The following CCDC30 variants were observed in gnomAD, a reference collection of about 807,000 sequenced individuals.
The protein encoded by CCDC30 is coiled-coil domain-containing protein 30.
Under a neutral mutation model 100.2 loss-of-function variants are expected in CCDC30, and 70 were observed. That is an observed-to-expected ratio of 0.70 (90% confidence interval 0.58 to 0.85). The LOEUF is 0.85. Among genes scored for constraint, CCDC30 ranks in the 40% least tolerant of loss-of-function variants. The probability of loss-of-function intolerance (pLI) is 0.00; values close to 1 mark genes in which losing one functional copy is unlikely to be tolerated. For synonymous variants in CCDC30, 233 were observed against 269.5 expected (o/e 0.86, Z 1.33); for missense variants, 652 against 771.2 (o/e 0.85, Z 1.83).
intron 6 of CCDC30, chr1:42,545,415 G>A: frequency 6.4e-7 from 1 of 1,568,858 alleles, no homozygotes; most frequent in Non-Finnish European, 8.6e-7. Flanking sequence ...TGCAGGTCTT[G>A]AAGCTTTCAC....
In CCDC30 at chr1:42,534,302, A is replaced by G. The variant is rs80143818; in HGVS notation, c.457-31994A>G. On this transcript the variant is annotated intron_variant, in intron 6 of 16. Coordinates refer to ENST00000668663, the Ensembl canonical transcript of CCDC30. ...TCTCAGGTGCCATAAGGGTGGGGCT[A>G]AAGGAATTCTTGCCTTGAGTGTTGA... Among the ~76,000 whole-genome samples, 583 of 152,256 alleles carry G rather than the reference A, an allele frequency of 3.8e-3. 1 individual carries two copies. The highest frequency in any genetic ancestry group is 0.012 in the African/African-American group (517 of 41,546).
chr1:42,631,967 A>G (rs1025559167), intron 11 of CCDC30, among the ~76,000 whole-genome samples: 8 of 152,066 alleles, frequency 5.3e-5, no homozygotes, highest in African/African-American at 1.9e-4. Flanking sequence ...CTGGTGCTCT[A>G]CCCTACTGTG....
intron 11 of CCDC30, among the ~76,000 whole-genome samples, chr1:42,636,068 C>T (rs1647149014): frequency 6.6e-6 from 1 of 152,062 alleles, no homozygotes; most frequent in South Asian, 2.1e-4. Flanking sequence ...TGCTTATTGG[C>T]CATAACTTAG....
intron 13 of CCDC30, among the ~76,000 whole-genome samples, chr1:42,643,107 G>C (rs528165297): frequency 6.6e-6 from 1 of 152,288 alleles, no homozygotes; most frequent in African/African-American, 2.4e-5. Flanking sequence ...AAGAGAGTGG[G>C]TTGATGTTAA....
Position 42,609,034 on chromosome 1 carries a change from G to A in CCDC30, c.1165-1944G>A, listed in dbSNP as rs114049703. On this transcript the variant is annotated intron_variant, in intron 10 of 16. Coordinates refer to ENST00000668663, the Ensembl canonical transcript of CCDC30. Reference sequence around the variant, plus strand: ...TTTGTACTGTATAGAAATATTTTTAGGGAAATGAAAAAGCAAAAAAGTCAA... The same window carrying A: ...TTTGTACTGTATAGAAATATTTTTAAGGAAATGAAAAAGCAAAAAAGTCAA... Among the ~76,000 whole-genome samples, 1,077 of 152,148 alleles carry A rather than the reference G, an allele frequency of 7.1e-3. 16 individuals are homozygous for A. Among genetic ancestry groups the A allele is most frequent in the African/African-American group, 0.024 (1,015 of 41,510 alleles).
chr1:42,598,354 C>CA (rs1346992884), intron 10 of CCDC30, among the ~76,000 whole-genome samples: 2 of 138,414 alleles, frequency 1.4e-5, no homozygotes, highest in African/African-American at 2.7e-5. Context: ...CTTATCTCTA[C>CA]AAAAAATATA....
At chr1:42,528,631 C>A (rs553929799) in intron 6 of CCDC30, among the ~76,000 whole-genome samples, 1 of 152,188 alleles carries the variant, frequency 6.6e-6, no homozygotes, top group Non-Finnish European at 1.5e-5. Context: ...CATTGATAAC[C>A]TGTAGAGGAA....
chr1:42,644,282 G>A (rs113834586), intron 13 of CCDC30, among the ~76,000 whole-genome samples: 242 of 152,312 alleles, frequency 1.6e-3, no homozygotes, highest in African/African-American at 5.6e-3. Context: ...TTTGAGGGCA[G>A]GAAGCATCCA....
intron 11 of CCDC30, among the ~76,000 whole-genome samples, chr1:42,628,888 T>C (rs988814269): frequency 7.2e-5 from 11 of 152,212 alleles, no homozygotes; most frequent in African/African-American, 2.7e-4. Context: ...TAATATGGTT[T>C]GCATAAACAA....
Position 42,465,608 on chromosome 1 carries a change from G to A in CCDC30, c.-92+1710G>A, listed in dbSNP as rs187203057. On this transcript the variant is annotated intron_variant, in intron 1 of 16. Transcript: ENST00000668663. ...TTGAACTCCTGACCCCAGGTGATCC[G>A]CCCACCTCAGCCTCCCAAAGTGCTG... is the stretch of plus-strand genomic sequence containing the variant. 1.2e-3 allele frequency among the ~76,000 whole-genome samples: 186 copies of A among 152,148 alleles called. 2 individuals are homozygous for A. In the Middle Eastern group the frequency reaches 0.024, roughly 19 times the overall value.
intron 6 of CCDC30, chr1:42,537,864 G>A (rs1271407169): frequency 1.3e-5 from 2 of 154,448 alleles, no homozygotes; most frequent in Non-Finnish European, 2.9e-5. Context: ...AGGTACTTGG[G>A]AGGCTGAGGC....
chr1:42,515,619 T>A (rs920151839), intron 6 of CCDC30, among the ~76,000 whole-genome samples: 1 of 152,204 alleles, frequency 6.6e-6, no homozygotes, highest in Non-Finnish European at 1.5e-5. Flanking sequence ...ATCTTAAACT[T>A]CTCGCCTCTA....
intron 11 of CCDC30, among the ~76,000 whole-genome samples, chr1:42,618,229 C>G (rs1489790956): frequency 1.1e-5 from 1 of 90,462 alleles, no homozygotes; most frequent in African/African-American, 4.5e-5. Context: ...CCAGTGATAT[C>G]TTTTTTTTTT....
intron 9 of CCDC30, among the ~76,000 whole-genome samples, chr1:42,588,521 T>C (rs1403104183): frequency 6.6e-6 from 1 of 152,084 alleles, no homozygotes; most frequent in African/African-American, 2.4e-5. Flanking sequence ...AGTAACTCAT[T>C]AGGGAGAGTG....
At chr1:42,459,474 T>C, upstream of CCDC30, 1 of 845,666 alleles carries the variant, frequency 1.2e-6, no homozygotes, top group Non-Finnish European at 1.8e-6. Flanking sequence ...CTTTTTAAAC[T>C]AAACATTTAA....
At chr1:42,636,965 C>CAAAAAAAAAAAAAAAAAAAAA in intron 11 of CCDC30, among the ~76,000 whole-genome samples, 1 of 29,508 alleles carries the variant, frequency 3.4e-5, no homozygotes, top group Non-Finnish European at 6.4e-5. Flanking sequence ...GACTCCATCT[C>CAAAAAAAAAAAAAAAAAAAAA]AAAAAAAAAA....
chr1:42,486,597 A>G (rs1644054603), intron 3 of CCDC30, among the ~76,000 whole-genome samples: 1 of 152,218 alleles, frequency 6.6e-6, no homozygotes, highest in Non-Finnish European at 1.5e-5. Context: ...TGCTGGAGAC[A>G]TATCCTTTGT....
At chr1:42,495,859 C>A (rs773362389) in intron 4 of CCDC30, among the ~76,000 whole-genome samples, 1 of 151,904 alleles carries the variant, frequency 6.6e-6, no homozygotes, top group Non-Finnish European at 1.5e-5. Context: ...AGAATACTTC[C>A]CACCTTTTTA....
At chr1:42,534,749 G>A (rs1417088841) in intron 6 of CCDC30, 1 of 152,160 alleles carries the variant, frequency 6.6e-6, no homozygotes, top group African/African-American at 2.4e-5. Flanking sequence ...AATCTCTTAA[G>A]GATCCAAGAC....
Sources: allele counts gnomAD v4.1 joint callset (sites outside exome capture counted in the v4.1 genomes callset), GRCh38; gene constraint gnomAD v4.1.1; transcripts MANE v1.5; gene names NCBI Gene and HGNC (gene_info 2026-07-23, HGNC 2026-07-21).